The following MMP26 variants were observed in gnomAD, a reference collection of about 807,000 sequenced individuals.
MMP26 encodes matrix metallopeptidase 26, also known as matrix metalloproteinase-26.
Under a neutral mutation model 31.0 loss-of-function variants are expected in MMP26, and 33 were observed. That is an observed-to-expected ratio of 1.06 (90% CI 0.81 to 1.42). The LOEUF is 1.42. MMP26 is among the 40% of genes most tolerant of loss of function. The probability of loss-of-function intolerance (pLI) is 0.00; values close to 1 mark genes in which losing one functional copy is unlikely to be tolerated. For synonymous variants in MMP26, 122 were observed against 114.9 expected (o/e 1.06, Z -0.40); for missense variants, 347 against 316.1 (o/e 1.10, Z -0.74).
chr11:4,879,424 G>C (rs2133535051), intron 2 of MMP26, among the ~76,000 whole-genome samples: 1 of 152,212 alleles, frequency 6.6e-6, no homozygotes, highest in East Asian at 1.9e-4. Context: ...CTGAAGATAT[G>C]AGTGGAAACA....
chr11:4,917,865 C>T (rs1851121635), intron 2 of MMP26, among the ~76,000 whole-genome samples: 1 of 151,970 alleles, frequency 6.6e-6, no homozygotes, highest in Non-Finnish European at 1.5e-5. Context: ...GTAAAAAATT[C>T]AGAGAGCCTG....
chr11:4,959,487 C>G (rs1269877357), intron 2 of MMP26, among the ~76,000 whole-genome samples: 1 of 152,088 alleles, frequency 6.6e-6, no homozygotes, highest in African/African-American at 2.4e-5. Flanking sequence ...TCCCTGCCCT[C>G]TCTTCTGCTA....
chr11:4,807,202 C>A (rs888764786), intron 2 of MMP26, among the ~76,000 whole-genome samples: 2 of 152,046 alleles, frequency 1.3e-5, no homozygotes, highest in African/African-American at 4.8e-5. Context: ...GTAATGGGAT[C>A]GCTGGGTCAA....
chr11:4,733,207 G>C (rs970782450), intron 1 of MMP26, among the ~76,000 whole-genome samples: 1 of 152,192 alleles, frequency 6.6e-6, no homozygotes, highest in Non-Finnish European at 1.5e-5. Context: ...ATTGAATTTT[G>C]ATGTCGATTA....
chr11:4,930,826 C>A (rs1198038453), intron 2 of MMP26, among the ~76,000 whole-genome samples: 1 of 151,744 alleles, frequency 6.6e-6, no homozygotes, highest in Non-Finnish European at 1.5e-5. Context: ...ATACTAAAAC[C>A]ATTTCTCAAT....
intron 2 of MMP26, among the ~76,000 whole-genome samples, chr11:4,852,485 C>A (rs921052691): frequency 6.6e-5 from 10 of 152,082 alleles, no homozygotes; most frequent in Admixed American, 1.3e-4. Flanking sequence ...TCATATCATA[C>A]AGAGCATATT....
intron 2 of MMP26, among the ~76,000 whole-genome samples, chr11:4,962,029 GTTTT>G (rs2133621930): frequency 6.6e-6 from 1 of 151,904 alleles, no homozygotes; most frequent in African/African-American, 2.4e-5. Flanking sequence ...TGTGTCTTTT[GTTTT>G]TTGTTTTTGT....
chr11:4,762,579 G>T (rs537925863), intron 1 of MMP26, among the ~76,000 whole-genome samples: 3 of 152,202 alleles, frequency 2.0e-5, no homozygotes, highest in Middle Eastern at 6.8e-3. Context: ...GTGCTATTTA[G>T]AAAATAAGCT....
chr11:4,785,995 A>G (rs1193448810), intron 2 of MMP26, among the ~76,000 whole-genome samples: 3 of 152,092 alleles, frequency 2.0e-5, no homozygotes, highest in African/African-American at 7.2e-5. Context: ...AACATGCTTT[A>G]TTTATTTATT....
intron 2 of MMP26, among the ~76,000 whole-genome samples, chr11:4,784,230 A>G (rs1363518790): frequency 2.6e-5 from 4 of 152,158 alleles, no homozygotes; most frequent in South Asian, 2.1e-4. Context: ...GAACACATAC[A>G]TGTGGCTTTT....
At chr11:4,836,941 G>A (rs113966941) in intron 2 of MMP26, among the ~76,000 whole-genome samples, 23,356 of 151,468 alleles carry the variant, frequency 0.15, 2,296 homozygotes, top group East Asian at 0.28. Flanking sequence ...GTGAGCCACC[G>A]CGCCTGGCCA....
intron 2 of MMP26, among the ~76,000 whole-genome samples, chr11:4,978,703 C>T (rs1846772797): frequency 6.6e-6 from 1 of 152,144 alleles, no homozygotes; most frequent in East Asian, 1.9e-4. Context: ...TCTCACGTAT[C>T]ATCACTTAAC....
Position 4,955,705 on chromosome 11 carries a change from A to G in MMP26, c.-144-32363A>G, listed in dbSNP as rs78255170. 935 of 1,558,010 alleles carry G rather than the reference A, an allele frequency of 6.0e-4. 5 individuals carry two copies. In the African/African-American group the frequency reaches 7.4e-3, roughly 12 times the overall value. On this transcript the variant is annotated intron_variant, in intron 2 of 7. Coordinates refer to ENST00000380390, the MANE Select transcript of MMP26 (RefSeq NM_021801.5). ...TGATTTCAACATATGATGTGTTGATAATGGACATGATTCATTCATAGGGCT... is the reference window on the plus strand; with the variant it reads ...TGATTTCAACATATGATGTGTTGATGATGGACATGATTCATTCATAGGGCT...
intron 1 of MMP26, among the ~76,000 whole-genome samples, chr11:4,762,956 T>C (rs552760586): frequency 1.3e-5 from 2 of 152,312 alleles, no homozygotes; most frequent in South Asian, 4.1e-4. Flanking sequence ...TAAAGAAAAG[T>C]ACACAGGATT....
chr11:4,748,299 T>C (rs1222307340), intron 1 of MMP26, among the ~76,000 whole-genome samples: 1 of 151,644 alleles, frequency 6.6e-6, no homozygotes, highest in East Asian at 1.9e-4. Context: ...GAATCAGTAA[T>C]AAAAAATCTT....
intron 2 of MMP26, among the ~76,000 whole-genome samples, chr11:4,861,374 G>T (rs956710031): frequency 2.7e-5 from 4 of 150,416 alleles, no homozygotes; most frequent in Non-Finnish European, 3.0e-5. Context: ...GATAGGATAG[G>T]TACTCTATAT....
At chr11:4,784,091 C>T (rs1848902378) in intron 2 of MMP26, among the ~76,000 whole-genome samples, 1 of 152,208 alleles carries the variant, frequency 6.6e-6, no homozygotes, top group Admixed American at 6.5e-5. Context: ...TAGTTTGCTG[C>T]ATTCAGGAAC....
chr11:4,869,282 C>A (rs1589924697), intron 2 of MMP26, among the ~76,000 whole-genome samples: 1 of 152,280 alleles, frequency 6.6e-6, no homozygotes, highest in South Asian at 2.1e-4. Context: ...GAACAGGCAA[C>A]CTACAGAATG....
At chr11:4,725,656 T>A (rs1379292370) in intron 1 of MMP26, among the ~76,000 whole-genome samples, 2 of 152,168 alleles carry the variant, frequency 1.3e-5, no homozygotes, top group African/African-American at 4.8e-5. Flanking sequence ...GAAAGCTGTG[T>A]TAAGATTTTA....
Sources: allele counts gnomAD v4.1 joint callset (sites outside exome capture counted in the v4.1 genomes callset), GRCh38; gene constraint gnomAD v4.1.1; transcripts MANE v1.5; gene names NCBI Gene and HGNC (gene_info 2026-07-23, HGNC 2026-07-21).